Variants in FAM186A observed in about 807,000 individuals in gnomAD.
The protein encoded by FAM186A is family with sequence similarity 186 member A.
Under a neutral mutation model 216.8 loss-of-function variants are expected in FAM186A, and 163 were observed. That is an observed-to-expected ratio of 0.75 (90% confidence interval 0.66 to 0.86). FAM186A has a LOEUF of 0.86. Ranked by LOEUF, FAM186A falls within the 40% of genes least tolerant of loss-of-function variation. FAM186A has a pLI of 0.00. For synonymous variants in FAM186A, 805 were observed against 1,025.3 expected (o/e 0.79, Z 4.10); for missense variants, 2,184 against 2,746.2 (o/e 0.80, Z 4.58).
intron 4 of FAM186A, among the ~76,000 whole-genome samples, chr12:50,345,375 AC>A (rs1183504823): frequency 1.3e-5 from 2 of 152,094 alleles, no homozygotes; most frequent in African/African-American, 4.8e-5. Flanking sequence ...CTGCCCTCCA[AC>A]CTGGGCAACA....
At chr12:50,382,839 T>G (rs766312648) in intron 1 of FAM186A, among the ~76,000 whole-genome samples, 3 of 152,206 alleles carry the variant, frequency 2.0e-5, no homozygotes, top group Non-Finnish European at 4.4e-5. Flanking sequence ...TTGAAGGAGA[T>G]GAGGACAGGC....
At position 50,350,484 on chromosome 12, in the gene FAM186A, C is replaced by G; in HGVS notation, c.6348G>C (p.Leu2116=). 1 of 1,551,558 alleles carries G rather than the reference C, an allele frequency of 6.4e-7. No homozygotes were observed. The highest frequency in any genetic ancestry group is 8.7e-7 in the Non-Finnish European group (1 of 1,146,976). ...TTTTTATAGCCTGATTTAATAGTAT[C>G]AGGTTCTTCTTCTGAGCCTCCACAT... ...FVDVEAQKKN[L]ILLNQAIKTC... The change falls in exon 4 of 8, where the codon CTG becomes CTC. Residue 2116 remains leucine (L), a synonymous_variant. Coordinates refer to ENST00000327337, the MANE Select transcript of FAM186A (RefSeq NM_001145475.3).
At chr12:50,331,866 C>T (rs975502793) in intron 5 of FAM186A, 45 bp from the exon 6 acceptor site, 30 of 1,471,802 alleles carry the variant, frequency 2.0e-5, no homozygotes, top group Non-Finnish European at 2.6e-5. Context: ...TGAAAAGAGA[C>T]AGAATCTTTA....
intron 1 of FAM186A, among the ~76,000 whole-genome samples, chr12:50,377,266 A>G (rs562399556): frequency 6.6e-6 from 1 of 152,348 alleles, no homozygotes; most frequent in African/African-American, 2.4e-5. Context: ...GTGGTCAATT[A>G]ATTTTTGACA....
At chr12:50,331,892 C>G in intron 5 of FAM186A, 71 bp from the exon 6 acceptor site, 1 of 1,341,902 alleles carries the variant, frequency 7.5e-7, no homozygotes, top group South Asian at 1.5e-5. Context: ...GTCTTCAGAG[C>G]TGGCCCTAGA....
intron 4 of FAM186A, among the ~76,000 whole-genome samples, chr12:50,342,661 A>G (rs985448972): frequency 1.3e-5 from 2 of 151,632 alleles, no homozygotes; most frequent in African/African-American, 4.8e-5. Flanking sequence ...TATTTTTAGT[A>G]GAGACAGGGT....
rs1006903705 is a variant in FAM186A, at chr12:50,396,580, T to G, written c.-96A>C. On this transcript the variant is annotated 5_prime_UTR_variant, in exon 1 of 8. Transcript: ENST00000327337. ...TCCAGTAGGAAGCTAGGAGAGGTCTTTCCTGATCCTAGAAGTTGTGGCATA... is the reference window on the plus strand; with the variant it reads ...TCCAGTAGGAAGCTAGGAGAGGTCTGTCCTGATCCTAGAAGTTGTGGCATA... The G allele has an allele frequency of 9.1e-6, 11 of 1,212,568 alleles. No homozygotes were observed. The highest frequency in any genetic ancestry group is 1.2e-5 in the Non-Finnish European group (11 of 884,960). The allele number at this position is 1,212,568 out of a possible 1,614,324, so 75.1% of individuals were successfully genotyped here. A position where few individuals can be genotyped will look rare whatever the true frequency, so the allele number is the denominator to read the frequency against.
intron 2 of FAM186A, 119 bp from the exon 3 acceptor site, chr12:50,361,045 A>C: frequency 3.0e-6 from 2 of 659,342 alleles, no homozygotes; most frequent in Non-Finnish European, 4.6e-6. Flanking sequence ...TAGGTATCTC[A>C]CACTTACTGC....
At chr12:50,335,497 AG>A (rs1942698756) in intron 4 of FAM186A, among the ~76,000 whole-genome samples, 1 of 151,808 alleles carries the variant, frequency 6.6e-6, no homozygotes, top group East Asian at 2.0e-4. Context: ...CACAAAAATT[AG>A]CCAGGTGCGG....
chr12:50,353,810 T>A lies in FAM186A; in HGVS notation c.3022A>T (p.Thr1008Ser). 6.4e-7 allele frequency: 1 copy of A among 1,551,658 alleles called. No homozygotes were observed. Among genetic ancestry groups the A allele is most frequent in the African/African-American group, 1.4e-5 (1 of 73,150 alleles). Residue 1008 changes from threonine (T) to serine (S), a missense_variant, in exon 4 of 8, where the codon ACA becomes TCA. By Grantham distance (58) the Thr-to-Ser change is moderately conservative. This residue lies in a region of FAM186A where 1,132 missense variants were observed against 1,263.4 expected (regional missense o/e 0.90). Coordinates refer to ENST00000327337, the MANE Select transcript of FAM186A (RefSeq NM_001145475.3). ...ACACTCTTCCACCTGGGAGATAATGTCATTGGAGTTTGGATGACCATTTTT... is the reference window on the plus strand; with the variant it reads ...ACACTCTTCCACCTGGGAGATAATGACATTGGAGTTTGGATGACCATTTTT... The part of the protein sequence containing the change: ...LEKMVIQTPM[T>S]LSPRWKSVLK...
intron 1 of FAM186A, among the ~76,000 whole-genome samples, chr12:50,388,330 T>C (rs10083076): frequency 0.97 from 147,530 of 152,312 alleles, 71,645 homozygotes; most frequent in East Asian, 1. Flanking sequence ...GGTTTATCCT[T>C]TCAGCCAGGC....
At position 50,354,145 on chromosome 12, in the gene FAM186A, G is replaced by A; in HGVS notation, c.2687C>T (p.Ala896Val). ...CTCTTGCTCAGCCTGCTTTGGAGTT[G>A]CCTGTTTTTGCTCTTCCTTCCACAT... ...EEMWKEEQKQ[A>V]TPKQAEQEEK... is the part of the protein sequence containing the mutation. The change falls in exon 4 of 8, where the codon GCA becomes GTA. Residue 896 changes from alanine (A) to valine (V), a missense_variant. Transcript: ENST00000327337. 1.3e-6 allele frequency: 2 copies of A among 1,551,566 alleles called. No homozygotes were observed. The highest frequency in any genetic ancestry group is 1.7e-6 in the Non-Finnish European group (2 of 1,146,968).
intron 4 of FAM186A, among the ~76,000 whole-genome samples, chr12:50,340,359 C>T (rs1173733496): frequency 4.6e-5 from 7 of 152,086 alleles, no homozygotes; most frequent in Admixed American, 3.9e-4. Flanking sequence ...ATCTTTGTAT[C>T]CTTCTACCCT....
At position 50,377,520 on chromosome 12, in the gene FAM186A, C is replaced by A. The variant is rs533033597; in HGVS notation, c.193-14156G>T. On this transcript the variant is annotated intron_variant, in intron 1 of 7. Transcript: ENST00000327337. The stretch of plus-strand genomic sequence containing the variant: ...GGCAATGATTTCTTTGATATGATAA[C>A]GAAGGCACAACCAATGAAAGTACAA... Among the ~76,000 whole-genome samples, 10 of 152,126 alleles carry A rather than the reference C, an allele frequency of 6.6e-5. No homozygotes were observed. In the South Asian group the frequency reaches 2.1e-3, roughly 32 times the overall value.
rs941129431 is a variant in FAM186A, at chr12:50,355,261, T to C, written c.1571A>G (p.His524Arg). 1 of 1,551,650 alleles carries C rather than the reference T, an allele frequency of 6.4e-7. No individual in the cohort carries two copies. The change falls in exon 4 of 8, where the codon CAT becomes CGT. Residue 524 changes from histidine (H) to arginine (R), a missense_variant. His to Arg is a conservative substitution (Grantham distance 29). Around this residue, in one of 7 missense-constraint regions of FAM186A, gnomAD observed 1,132 missense variants for 1,263.4 expected, o/e 0.90. Transcript: ENST00000327337. ...GCTCTTTGTTTCAGTTAAAGAGAGA[T>C]GTTTTCTTTTTGCTTCAGTGGGTGA... Reference protein sequence around the residue: ...SKSPTEAKRKHLSLTETKSQG... With the variant: ...SKSPTEAKRKRLSLTETKSQG...
At chr12:50,344,766 A>G (rs1394642950) in intron 4 of FAM186A, among the ~76,000 whole-genome samples, 1 of 152,194 alleles carries the variant, frequency 6.6e-6, no homozygotes, top group Non-Finnish European at 1.5e-5. Context: ...CAGGAGTTCA[A>G]GACTAGCCTG....
Position 50,331,703 on chromosome 12 carries a change from T to G in FAM186A, c.6815A>C (p.Glu2272Ala), listed in dbSNP as rs1268696777. ...QKPFLKLLME[E>A]DRTSDICKKF... Reference sequence around the variant, plus strand: ...CTTGCATATGTCAGAGGTTCTGTCCTCTTCCATTAGTAATTTTAAGAATGG... The same window carrying G: ...CTTGCATATGTCAGAGGTTCTGTCCGCTTCCATTAGTAATTTTAAGAATGG... The change falls in exon 6 of 8, where the codon GAG becomes GCG. Residue 2272 changes from glutamate (E) to alanine (A), a missense_variant. Glu to Ala is a moderately radical substitution (Grantham distance 107). This residue lies in a region of FAM186A where 721 missense variants were observed against 816.4 expected (regional missense o/e 0.88). Coordinates refer to ENST00000327337, the MANE Select transcript of FAM186A (RefSeq NM_001145475.3). 6.5e-7 allele frequency: 1 copy of G among 1,546,492 alleles called. No individual in the cohort carries two copies. Among genetic ancestry groups the G allele is most frequent in the Non-Finnish European group, 8.7e-7 (1 of 1,145,996 alleles).
intron 1 of FAM186A, among the ~76,000 whole-genome samples, chr12:50,377,853 A>C (rs1943212992): frequency 6.6e-6 from 1 of 151,938 alleles, no homozygotes; most frequent in Admixed American, 6.6e-5. Flanking sequence ...AAAAACAAGA[A>C]AAGAAAGAAA....
At position 50,355,383 on chromosome 12, in the gene FAM186A, C is replaced by G; in HGVS notation, c.1449G>C (p.Gln483His). 6.4e-7 allele frequency: 1 copy of G among 1,551,410 alleles called. No individual in the cohort carries two copies. Among genetic ancestry groups the G allele is most frequent in the Non-Finnish European group, 8.7e-7 (1 of 1,146,994 alleles). The change falls in exon 4 of 8, where the codon CAG becomes CAC. Residue 483 changes from glutamine to histidine, a missense_variant. Transcript: ENST00000327337. ...GACTAGGTTTGGCCTCTGAGACTTT[C>G]TGTCCACTTTTATTATCACTCAGAT... is the stretch of plus-strand genomic sequence containing the variant. Reference protein sequence around the residue: ...GPNLSDNKSGQKVSEAKPSQY... With the variant: ...GPNLSDNKSGHKVSEAKPSQY...
Sources: allele counts gnomAD v4.1 joint callset (sites outside exome capture counted in the v4.1 genomes callset), GRCh38; gene constraint gnomAD v4.1.1; regional missense constraint gnomAD v4.1.1; transcripts MANE v1.5; gene names NCBI Gene and HGNC (gene_info 2026-07-23, HGNC 2026-07-21).